PRELID2: variants seen among roughly 807,000 people sequenced by gnomAD.
PRELID2 encodes PRELI domain containing 2.
PRELID2 carries 25 observed loss-of-function variants against 28.4 expected under a neutral mutation model. The ratio of observed to expected loss-of-function variants is 0.88; its 90% CI spans 0.64 to 1.23. The LOEUF (loss-of-function observed/expected upper bound fraction) is 1.23. PRELID2 is among the 50% of genes most tolerant of loss of function. PRELID2 has a pLI of 0.00. For missense variants in PRELID2, 201 were observed against 214.4 expected, an observed-to-expected ratio of 0.94 and a Z score of 0.39; for synonymous variants, 76 against 71.6, an observed-to-expected ratio of 1.06 and a Z score of -0.31.
chr5:145,466,669 G>A, the PRELID2 span, among the ~76,000 whole-genome samples: 2 of 152,068 alleles, frequency 1.3e-5, no homozygotes, highest in African/African-American at 4.8e-5. Flanking sequence ...AGAACACATT[G>A]TCCCTTGACA....
At chr5:145,573,023 T>A (rs965679088) in intron 1 of PRELID2, among the ~76,000 whole-genome samples, 2 of 152,136 alleles carry the variant, frequency 1.3e-5, no homozygotes, top group Non-Finnish European at 2.9e-5. Flanking sequence ...CCCAACAAGC[T>A]ACCCTCCCTT....
Position 145,835,328 on chromosome 5 carries a change from GA to G in PRELID2, c.-78del. The G allele has an allele frequency of 1.0e-6, 1 of 984,560 alleles. No homozygotes were observed. The highest frequency in any genetic ancestry group is 1.5e-6 in the Non-Finnish European group (1 of 661,920). The allele number at this position is 984,560 out of a possible 1,614,324, so 61.0% of individuals were successfully genotyped here. On this transcript the variant is annotated 5_prime_UTR_variant, in exon 1 of 7. Transcript: ENST00000683046. ...CTGCCCAGGGCTCCGCAGAGGCCCG[GA>G]GGCGCCCACACTCGGACAGCCACAT...
intron 1 of PRELID2, among the ~76,000 whole-genome samples, chr5:145,535,513 T>A (rs887441182): frequency 2.0e-5 from 3 of 151,850 alleles, no homozygotes; most frequent in Admixed American, 6.6e-5. Context: ...AGGAGTATTT[T>A]TTATTATTAT....
At chr5:145,282,942 T>G in the PRELID2 span, among the ~76,000 whole-genome samples, 2 of 152,212 alleles carry the variant, frequency 1.3e-5, no homozygotes, top group Non-Finnish European at 2.9e-5. Flanking sequence ...AGGTTCATCT[T>G]TACATTTAGG....
At chr5:145,768,900 G>A (rs148417051) in intron 5 of PRELID2, among the ~76,000 whole-genome samples, 9 of 152,082 alleles carry the variant, frequency 5.9e-5, no homozygotes, top group African/African-American at 1.4e-4. Flanking sequence ...GGAGAATGGC[G>A]GCAGGGAGAG....
At chr5:145,459,326 T>C in the PRELID2 span, among the ~76,000 whole-genome samples, 1 of 152,326 alleles carries the variant, frequency 6.6e-6, no homozygotes, top group East Asian at 1.9e-4. Flanking sequence ...ACATCATAAC[T>C]GAACCCTCTT....
At chr5:145,365,358 A>C in the PRELID2 span, among the ~76,000 whole-genome samples, 1 of 151,958 alleles carries the variant, frequency 6.6e-6, no homozygotes, top group Non-Finnish European at 1.5e-5. Context: ...AACATATATC[A>C]AAACATCACA....
chr5:145,356,299 C>T, the PRELID2 span, among the ~76,000 whole-genome samples: 5 of 152,026 alleles, frequency 3.3e-5, no homozygotes, highest in South Asian at 8.3e-4. Context: ...TGTGTGGTCT[C>T]GTTAGAGTCC....
intron 1 of PRELID2, among the ~76,000 whole-genome samples, chr5:145,518,480 G>A (rs565090894): frequency 2.6e-5 from 4 of 152,130 alleles, no homozygotes; most frequent in African/African-American, 4.8e-5. Context: ...TTACAGGCGT[G>A]AACCACCACG....
chr5:145,341,312 T>C, the PRELID2 span, among the ~76,000 whole-genome samples: 1 of 152,134 alleles, frequency 6.6e-6, no homozygotes, highest in Non-Finnish European at 1.5e-5. Flanking sequence ...ATTTTAAAGA[T>C]GCTTGGTGAG....
At chr5:145,293,657 G>C in the PRELID2 span, among the ~76,000 whole-genome samples, 83 of 152,282 alleles carry the variant, frequency 5.5e-4, no homozygotes, top group African/African-American at 1.9e-3. Context: ...TCATGTAAAG[G>C]ATGGTTTAAT....
chr5:145,355,963 G>C, the PRELID2 span, among the ~76,000 whole-genome samples: 3 of 152,022 alleles, frequency 2.0e-5, no homozygotes, highest in Admixed American at 1.3e-4. Context: ...CTCATGAAGA[G>C]AGCTGATACA....
At chr5:145,824,027 G>A (rs1005121237) in intron 1 of PRELID2, among the ~76,000 whole-genome samples, 2 of 152,074 alleles carry the variant, frequency 1.3e-5, no homozygotes, top group Non-Finnish European at 2.9e-5. Flanking sequence ...CTTTCTGCCA[G>A]CCTGCAAAGC....
the PRELID2 span, among the ~76,000 whole-genome samples, chr5:145,424,531 C>T: frequency 2.0e-5 from 3 of 152,200 alleles, no homozygotes; most frequent in Non-Finnish European, 4.4e-5. Context: ...TTCTTTGACT[C>T]AGAAAGGGAA....
chr5:145,791,105 T>C (rs1266232499), intron 5 of PRELID2, among the ~76,000 whole-genome samples: 1 of 151,948 alleles, frequency 6.6e-6, no homozygotes, highest in Non-Finnish European at 1.5e-5. Context: ...TGACTCACAG[T>C]TCCACATGGC....
intron 5 of PRELID2, among the ~76,000 whole-genome samples, chr5:145,791,908 A>G (rs944075988): frequency 6.6e-6 from 1 of 152,156 alleles, no homozygotes; most frequent in South Asian, 2.1e-4. Context: ...CCTGCAAGGC[A>G]CTGTGGAGTT....
chr5:145,653,397 A>G (rs1754334251), intron 1 of PRELID2, among the ~76,000 whole-genome samples: 1 of 152,238 alleles, frequency 6.6e-6, no homozygotes, highest in African/African-American at 2.4e-5. Context: ...GCACCAGTGG[A>G]CCTAATAGAC....
the PRELID2 span, among the ~76,000 whole-genome samples, chr5:145,325,471 C>G: frequency 6.6e-6 from 1 of 152,144 alleles, no homozygotes. Flanking sequence ...TTATTTTATT[C>G]AATTACAAAA....
At chr5:145,774,457 C>T (rs991215092) in intron 5 of PRELID2, among the ~76,000 whole-genome samples, 1 of 152,200 alleles carries the variant, frequency 6.6e-6, no homozygotes, top group African/African-American at 2.4e-5. Context: ...GCTACTGGCA[C>T]ACAACAGACT....
Sources: allele counts gnomAD v4.1 joint callset (sites outside exome capture counted in the v4.1 genomes callset), GRCh38; gene constraint gnomAD v4.1.1; transcripts MANE v1.5; gene names NCBI Gene and HGNC (gene_info 2026-07-23, HGNC 2026-07-21).